Variants in MAPK10 observed in about 807,000 individuals in gnomAD.
MAPK10 encodes JNK3 alpha protein kinase.
Under a neutral mutation model 59.3 loss-of-function variants are expected in MAPK10, and 25 were observed. The ratio of observed to expected loss-of-function variants is 0.42; its 90% CI spans 0.31 to 0.59. MAPK10 has a LOEUF of 0.59. Ranked by LOEUF, MAPK10 falls within the 20% of genes least tolerant of loss-of-function variation. MAPK10 has a pLI of 0.15. For missense variants in MAPK10, 351 were observed against 568.9 expected (o/e 0.62, Z 3.90); for synonymous variants, 190 against 200.5 (o/e 0.95, Z 0.44).
At chr4:86,269,549 C>A (rs935420919) in intron 2 of MAPK10, among the ~76,000 whole-genome samples, 1 of 152,084 alleles carries the variant, frequency 6.6e-6, no homozygotes, top group African/African-American at 2.4e-5. Flanking sequence ...GCCCTCAAGG[C>A]CCTGCATCTT....
chr4:86,132,853 A>T (rs2061263267), intron 4 of MAPK10, among the ~76,000 whole-genome samples: 1 of 152,158 alleles, frequency 6.6e-6, no homozygotes, highest in Non-Finnish European at 1.5e-5. Context: ...CAGGAAAACA[A>T]GTTCAGGGCT....
chr4:86,264,370 G>T (rs917356983), intron 2 of MAPK10, among the ~76,000 whole-genome samples: 1 of 152,144 alleles, frequency 6.6e-6, no homozygotes, highest in Non-Finnish European at 1.5e-5. Flanking sequence ...CAAGGCAAAT[G>T]AATTTCACAC....
intron 2 of MAPK10, among the ~76,000 whole-genome samples, chr4:86,298,526 C>T (rs902523435): frequency 2.6e-5 from 4 of 152,174 alleles, no homozygotes; most frequent in South Asian, 2.1e-4. Context: ...TCTTTGCAGA[C>T]AATGCCACAA....
chr4:86,266,251 A>G (rs971128237), intron 2 of MAPK10, among the ~76,000 whole-genome samples: 1 of 152,158 alleles, frequency 6.6e-6, no homozygotes, highest in Non-Finnish European at 1.5e-5. Flanking sequence ...AAATAAGCCA[A>G]TCACAGTAAG....
chr4:86,213,757 A>C (rs1008756396), intron 2 of MAPK10, among the ~76,000 whole-genome samples: 1 of 152,118 alleles, frequency 6.6e-6, no homozygotes, highest in African/African-American at 2.4e-5. Flanking sequence ...CCTGACCCTG[A>C]TGGCTTCACT....
chr4:86,298,999 T>G (rs1479462765), intron 2 of MAPK10, among the ~76,000 whole-genome samples: 4 of 152,186 alleles, frequency 2.6e-5, no homozygotes, highest in Admixed American at 2.6e-4. Flanking sequence ...TAAATTTCTT[T>G]TTATAAGAAA....
chr4:86,281,812 T>C (rs1405986686), intron 2 of MAPK10, among the ~76,000 whole-genome samples: 5 of 152,138 alleles, frequency 3.3e-5, no homozygotes, highest in East Asian at 1.9e-4. Context: ...GGAGACTTAA[T>C]TGACTTTTAT....
At chr4:86,551,193 T>C (rs1417602880) in intron 1 of MAPK10, among the ~76,000 whole-genome samples, 3 of 152,220 alleles carry the variant, frequency 2.0e-5, no homozygotes, top group African/African-American at 7.2e-5. Context: ...GTATATGTGT[T>C]AGCCCCTCAA....
At chr4:86,468,381 T>A (rs1752385740) in intron 1 of MAPK10, among the ~76,000 whole-genome samples, 1 of 152,212 alleles carries the variant, frequency 6.6e-6, no homozygotes. Context: ...AAATAATGGC[T>A]CTCCTTACTA....
At chr4:86,105,006 T>TGA (rs1561751044) in intron 5 of MAPK10, among the ~76,000 whole-genome samples, 1 of 152,100 alleles carries the variant, frequency 6.6e-6, no homozygotes, top group Admixed American at 6.6e-5. Context: ...TCCAGCATCT[T>TGA]GAGACACACA....
intron 3 of MAPK10, among the ~76,000 whole-genome samples, chr4:86,182,193 T>C (rs2077069512): frequency 6.6e-6 from 1 of 152,028 alleles, no homozygotes; most frequent in Non-Finnish European, 1.5e-5. Context: ...AAAAGCTACT[T>C]GGTTGGGTTA....
At chr4:86,399,666 C>T (rs528207613) in intron 1 of MAPK10, 15 of 152,258 alleles carry the variant, frequency 9.9e-5, no homozygotes, top group Admixed American at 8.5e-4. Context: ...CACTACTGAG[C>T]ACCTAATGTG....
chr4:86,282,752 G>A (rs1243664026), intron 2 of MAPK10, among the ~76,000 whole-genome samples: 1 of 152,054 alleles, frequency 6.6e-6, no homozygotes, highest in Non-Finnish European at 1.5e-5. Flanking sequence ...TACATCCTAG[G>A]AATGTATTTC....
rs75539884 is a variant in MAPK10, at chr4:86,182,327, T to C, written c.66+12009A>G. ...GTACCTATTTTCTGTTAACAAATAC[T>C]ATTCAGCAATTTCATTTTCCGTATT... On this transcript the variant is annotated intron_variant, in intron 3 of 13. Transcript: ENST00000641462. Among the ~76,000 whole-genome samples, 1,253 of 152,298 alleles carry C rather than the reference T, an allele frequency of 8.2e-3. 16 individuals are homozygous for C. Among genetic ancestry groups the C allele is most frequent in the African/African-American group, 0.028 (1,184 of 41,582 alleles).
chr4:86,098,884 T>C (rs2054752327), intron 8 of MAPK10: 1 of 307,186 alleles, frequency 3.3e-6, no homozygotes, highest in East Asian at 5.8e-5. Context: ...AGAAAAGCAA[T>C]AGCTAAACCA....
intron 2 of MAPK10, among the ~76,000 whole-genome samples, chr4:86,210,107 C>T (rs1359747373): frequency 6.6e-6 from 1 of 152,048 alleles, no homozygotes; most frequent in Admixed American, 6.6e-5. Context: ...TAATCTCTCA[C>T]AATAAACAAA....
intron 9 of MAPK10, chr4:86,079,642 T>G (rs1332749169): frequency 6.6e-6 from 1 of 152,132 alleles, no homozygotes; most frequent in Non-Finnish European, 1.5e-5. Context: ...AAAGTCCTTT[T>G]CAATTTGGTA....
intron 2 of MAPK10, among the ~76,000 whole-genome samples, chr4:86,296,560 T>C (rs62305543): frequency 0.28 from 42,344 of 152,068 alleles, 6,947 homozygotes; most frequent in Non-Finnish European, 0.37. Context: ...AATATGTATA[T>C]AGGAAAAAGC....
intron 1 of MAPK10, among the ~76,000 whole-genome samples, chr4:86,480,613 A>G (rs1286655287): frequency 6.6e-6 from 1 of 152,218 alleles, no homozygotes; most frequent in South Asian, 2.1e-4. Flanking sequence ...GGAATTAAAG[A>G]TGATAAAATT....
Sources: gnomAD v4.1 joint callset for allele counts (sites outside exome capture counted in the v4.1 genomes callset) on GRCh38, gnomAD v4.1.1 for gene constraint, MANE v1.5 for transcripts, NCBI Gene and HGNC (gene_info 2026-07-23, HGNC 2026-07-21) for gene names.